CSMD1: variants seen among roughly 807,000 people sequenced by gnomAD.
CSMD1 encodes the protein CUB and sushi domain-containing protein 1.
In CSMD1, 213 loss-of-function variants were observed where a neutral mutation model predicts 417.5. The observed-to-expected ratio is 0.51, with a 90% CI of 0.46 to 0.57. The LOEUF (loss-of-function observed/expected upper bound fraction) is 0.57, where lower values mean the gene tolerates loss of function less well. CSMD1 is among the 20% of genes least tolerant of loss of function. CSMD1 has a pLI of 0.00. For missense variants in CSMD1, 6,923 were observed against 4,529.7 expected, an observed-to-expected ratio of 1.53 and a Z score of -15.17; for synonymous variants, 2,862 against 1,736.8, an observed-to-expected ratio of 1.65 and a Z score of -16.11.
At chr8:4,851,005 T>G (rs1801444185) in intron 1 of CSMD1, among the ~76,000 whole-genome samples, 1 of 152,000 alleles carries the variant, frequency 6.6e-6, no homozygotes, top group Non-Finnish European at 1.5e-5. Context: ...AAGTGCAGGT[T>G]AGTTACATAT....
At position 3,072,262 on chromosome 8, in the gene CSMD1, C is replaced by T. The variant is rs140160714; in HGVS notation, c.7474+14835G>A. ...GGAAGAGTCCAATTAATGATTTTCT[C>T]TATTAAGCTGACCAAACTAGGAGTA... On this transcript the variant is annotated intron_variant, in intron 49 of 69. Transcript: ENST00000635120. Among the ~76,000 whole-genome samples the T allele has an allele frequency of 3.3e-3, 504 of 152,282 alleles. 1 individual carries two copies. Among genetic ancestry groups the T allele is most frequent in the African/African-American group, 0.012 (494 of 41,576 alleles).
chr8:4,947,539 G>A (rs6988034), intron 1 of CSMD1, among the ~76,000 whole-genome samples: 75,618 of 151,864 alleles, frequency 0.5, 19,998 homozygotes, highest in East Asian at 0.79. Flanking sequence ...CAGAAAGGTG[G>A]CATGATAATT....
At chr8:4,930,836 T>C (rs1273361951) in intron 1 of CSMD1, among the ~76,000 whole-genome samples, 4 of 152,232 alleles carry the variant, frequency 2.6e-5, no homozygotes, top group Non-Finnish European at 4.4e-5. Context: ...CCATTGTAAA[T>C]ACAGGATAGA....
At chr8:4,534,575 C>T (rs906641827) in intron 2 of CSMD1, among the ~76,000 whole-genome samples, 1 of 151,470 alleles carries the variant, frequency 6.6e-6, no homozygotes, top group Admixed American at 6.6e-5. Flanking sequence ...TTTTTCAACC[C>T]CTCCCCTCCT....
intron 10 of CSMD1, among the ~76,000 whole-genome samples, chr8:3,553,124 GA>G (rs750104487): frequency 1.8e-4 from 27 of 146,388 alleles, no homozygotes; most frequent in African/African-American, 3.3e-4. Flanking sequence ...TGGACAAGGA[GA>G]AAAAAAAAAA....
chr8:3,380,060 C>T (rs1267581487), intron 18 of CSMD1, among the ~76,000 whole-genome samples: 2 of 152,058 alleles, frequency 1.3e-5, no homozygotes, highest in Admixed American at 6.6e-5. Flanking sequence ...AAAACAACCC[C>T]ATCAAAAAGT....
At chr8:4,058,131 G>C (rs527420092) in intron 3 of CSMD1, among the ~76,000 whole-genome samples, 1 of 152,118 alleles carries the variant, frequency 6.6e-6, no homozygotes, top group African/African-American at 2.4e-5. Context: ...GGGCAGCATG[G>C]CCATTTTCAC....
chr8:4,913,198 C>G (rs1805819303), intron 1 of CSMD1, among the ~76,000 whole-genome samples: 2 of 152,178 alleles, frequency 1.3e-5, no homozygotes, highest in Admixed American at 6.5e-5. Flanking sequence ...TTGGTGCAAA[C>G]CTAGTAGCGT....
chr8:4,264,191 T>C (rs938566289), intron 3 of CSMD1, among the ~76,000 whole-genome samples: 12 of 152,214 alleles, frequency 7.9e-5, no homozygotes, highest in Non-Finnish European at 1.2e-4. Flanking sequence ...GTGGTGATGA[T>C]GATGATTACC....
chr8:3,565,071 C>A (rs1302307701), intron 10 of CSMD1, among the ~76,000 whole-genome samples: 1 of 126,130 alleles, frequency 7.9e-6, no homozygotes, highest in Non-Finnish European at 1.6e-5. Context: ...ACATGGACCC[C>A]TGAACTTAAA....
At chr8:4,878,708 G>A (rs1803203310) in intron 1 of CSMD1, among the ~76,000 whole-genome samples, 1 of 152,054 alleles carries the variant, frequency 6.6e-6, no homozygotes, top group Non-Finnish European at 1.5e-5. Context: ...CATTTTTACA[G>A]TTGAAATGGC....
chr8:3,682,392 G>C (rs1490215541), intron 7 of CSMD1, among the ~76,000 whole-genome samples: 1 of 152,172 alleles, frequency 6.6e-6, no homozygotes, highest in Non-Finnish European at 1.5e-5. Flanking sequence ...GACATGAACA[G>C]ACACTTCTCA....
chr8:4,115,442 TC>T (rs1232488537), intron 3 of CSMD1, among the ~76,000 whole-genome samples: 1 of 152,234 alleles, frequency 6.6e-6, no homozygotes, highest in East Asian at 1.9e-4. Context: ...AAACTGAATC[TC>T]TGAGGTATGC....
chr8:4,263,122 A>G lies in CSMD1; in HGVS notation c.415+156831T>C, dbSNP rs147134729. Among the ~76,000 whole-genome samples, 844 of 152,256 alleles carry G rather than the reference A, an allele frequency of 5.5e-3. 8 individuals are homozygous for G. The highest frequency in any genetic ancestry group is 0.019 in the African/African-American group (807 of 41,548). ...AAAGCAGTATTATTTCTTGTGGGTG[A>G]TATCACTTATTTTTTCAAAAATGTA... On this transcript the variant is annotated intron_variant, in intron 3 of 69. Transcript: ENST00000635120.
At chr8:4,623,244 T>C (rs930069403) in intron 2 of CSMD1, among the ~76,000 whole-genome samples, 1 of 152,114 alleles carries the variant, frequency 6.6e-6, no homozygotes, top group Non-Finnish European at 1.5e-5. Context: ...AAAATACTAA[T>C]ATTATTGGTC....
At chr8:4,769,381 G>A (rs950370237) in intron 1 of CSMD1, among the ~76,000 whole-genome samples, 2 of 152,198 alleles carry the variant, frequency 1.3e-5, no homozygotes, top group Non-Finnish European at 2.9e-5. Flanking sequence ...AATTATGCAT[G>A]AGGAGCAAAC....
intron 3 of CSMD1, among the ~76,000 whole-genome samples, chr8:4,047,930 G>C (rs534106135): frequency 1.1e-3 from 163 of 152,164 alleles, no homozygotes; most frequent in African/African-American, 3.8e-3. Context: ...AATTAGGATT[G>C]TTTTCCCAAA....
chr8:4,038,909 C>T (rs4507782), intron 3 of CSMD1, among the ~76,000 whole-genome samples: 22,770 of 152,072 alleles, frequency 0.15, 2,439 homozygotes, highest in East Asian at 0.39. Flanking sequence ...AAATTCCCTC[C>T]GTAACACTTA....
chr8:3,635,417 G>C (rs1303061184), intron 7 of CSMD1, among the ~76,000 whole-genome samples: 4 of 151,806 alleles, frequency 2.6e-5, no homozygotes, highest in Non-Finnish European at 5.9e-5. Flanking sequence ...CTGGGAGATG[G>C]AGCTTGCAGT....
Sources: gnomAD v4.1 joint callset for allele counts (sites outside exome capture counted in the v4.1 genomes callset) on GRCh38, gnomAD v4.1.1 for gene constraint, MANE v1.5 for transcripts, NCBI Gene and HGNC (gene_info 2026-07-23, HGNC 2026-07-21) for gene names.